NCKAP5L: variants seen among roughly 807,000 people sequenced by gnomAD.
The protein encoded by NCKAP5L is nck-associated protein 5-like.
NCKAP5L carries 54 observed loss-of-function variants against 103.2 expected under a neutral mutation model. The observed-to-expected ratio is 0.52, with a 90% CI of 0.42 to 0.66. NCKAP5L has a LOEUF of 0.66. NCKAP5L is among the 30% of genes least tolerant of loss of function. The pLI, the probability that NCKAP5L is intolerant of heterozygous loss-of-function variation, is 0.00. For synonymous variants in NCKAP5L, 762 were observed against 748.6 expected (o/e 1.02, Z -0.29); for missense variants, 1,733 against 1,750.6 (o/e 0.99, Z 0.18).
In NCKAP5L at chr12:49,796,401, G is replaced by A; in HGVS notation, c.1459C>T (p.Pro487Ser). 6.3e-7 allele frequency: 1 copy of A among 1,577,266 alleles called. No individual in the cohort carries two copies. The highest frequency in any genetic ancestry group is 1.3e-5 in the African/African-American group (1 of 74,196). The change falls in exon 8 of 13, where the codon CCC becomes TCC. Residue 487 changes from proline to serine, a missense_variant. Transcript: ENST00000335999. ...CCGTCTGAGCCACTGTTCCGACAGG[G>A]GATTCGCGAGTTCCGGGGGAGCTGG... The part of the protein sequence containing the change: ...SPQLPRNSRI[P>S]CRNSGSDGSP...
intron 1 of NCKAP5L, among the ~76,000 whole-genome samples, chr12:49,817,168 A>G (rs1358206832): frequency 2.6e-5 from 4 of 152,230 alleles, no homozygotes; most frequent in Non-Finnish European, 5.9e-5. Flanking sequence ...ATAACTGGAA[A>G]GATGTCCCAT....
rs1271093229 is a variant in NCKAP5L at position 49,792,940 on chromosome 12, G to A, written c.3387C>T (p.Phe1129=). Residue 1129 remains phenylalanine (F), a synonymous_variant, in exon 11 of 13, where the codon TTC becomes TTT. Coordinates refer to ENST00000335999, the MANE Select transcript of NCKAP5L (RefSeq NM_001037806.4). The surrounding 1 kb of genome is among the most constrained non-coding windows in gnomAD (Gnocchi z 4.5). ...CACTGCTACCATGGTCTGGGGGTGG[G>A]AAGGTCCCAATGCCACTGTCCAAGG... ...TRTLDSGIGT[F]PPPDHGSSGT... The A allele has an allele frequency of 6.4e-7, 1 of 1,558,954 alleles. No homozygotes were observed. Among genetic ancestry groups the A allele is most frequent in the South Asian group, 1.2e-5 (1 of 83,966 alleles).
chr12:49,796,314 C>T lies in NCKAP5L; in HGVS notation c.1546G>A (p.Ala516Thr), dbSNP rs1200025944. Residue 516 changes from alanine to threonine, a missense_variant, in exon 8 of 13, where the codon GCG becomes ACG. Ala to Thr is a moderately conservative substitution (Grantham distance 58). Transcript: ENST00000335999. The stretch of plus-strand genomic sequence containing the variant: ...GAAGGGCTGGTGGGCAGGCCTTGCG[C>T]CCCCTCTGGGGACAGCTCTCCTCCA... Reference protein sequence around the residue: ...LGGGELSPEGAQGLPTSPSPC... With the variant: ...LGGGELSPEGTQGLPTSPSPC... 3 of 1,543,916 alleles carry T rather than the reference C, an allele frequency of 1.9e-6. No individual in the cohort carries two copies. The highest frequency in any genetic ancestry group is 4.5e-5 in the East Asian group (2 of 44,134).
chr12:49,817,974 C>T (rs1946317236), intron 1 of NCKAP5L, among the ~76,000 whole-genome samples: 2 of 152,062 alleles, frequency 1.3e-5, no homozygotes, highest in Non-Finnish European at 2.9e-5. Flanking sequence ...ACTAAAAATA[C>T]AAAAATTAGC....
intron 1 of NCKAP5L, among the ~76,000 whole-genome samples, chr12:49,807,639 A>G (rs1946195280): frequency 1.3e-5 from 2 of 152,250 alleles, no homozygotes; most frequent in Admixed American, 6.5e-5. Flanking sequence ...GCCTGGAAAA[A>G]AAATGAAAAA....
intron 1 of NCKAP5L, among the ~76,000 whole-genome samples, chr12:49,820,380 G>A (rs112059408): frequency 2.0e-5 from 3 of 148,786 alleles, no homozygotes; most frequent in Non-Finnish European, 4.4e-5. Flanking sequence ...GCAGTGGCGC[G>A]ATCTCGGCTC....
intron 1 of NCKAP5L, among the ~76,000 whole-genome samples, chr12:49,807,542 TTTTTA>T (rs1181284151): frequency 6.6e-6 from 1 of 152,210 alleles, no homozygotes; most frequent in African/African-American, 2.4e-5. Flanking sequence ...AATCTGAAGT[TTTTTA>T]TTTTAACATC....
At chr12:49,816,167 T>C (rs1229116647) in intron 1 of NCKAP5L, among the ~76,000 whole-genome samples, 1 of 152,148 alleles carries the variant, frequency 6.6e-6, no homozygotes, top group Non-Finnish European at 1.5e-5. Context: ...CCTATACTGT[T>C]AGAAGGGGAG....
At chr12:49,810,435 C>T (rs528958348) in intron 1 of NCKAP5L, among the ~76,000 whole-genome samples, 2 of 152,302 alleles carry the variant, frequency 1.3e-5, no homozygotes, top group East Asian at 1.9e-4. Flanking sequence ...TCCGTCTCCC[C>T]GAGATGAGTT....
intron 1 of NCKAP5L, among the ~76,000 whole-genome samples, chr12:49,815,701 G>A (rs977904611): frequency 1.2e-4 from 18 of 152,126 alleles, no homozygotes; most frequent in African/African-American, 4.3e-4. Context: ...CGTTGGCCAG[G>A]CTGGTTTCGA....
At chr12:49,814,241 T>C (rs914292334) in intron 1 of NCKAP5L, among the ~76,000 whole-genome samples, 2 of 149,894 alleles carry the variant, frequency 1.3e-5, no homozygotes, top group African/African-American at 4.9e-5. Flanking sequence ...CCCCAGCGCT[T>C]TGGGAGGCCG....
rs1946351303 is a variant in NCKAP5L at position 49,820,610 on chromosome 12, C to T, written c.-99+7712G>A. Among the ~76,000 whole-genome samples, 3 of 152,214 alleles carry T rather than the reference C, an allele frequency of 2.0e-5. No homozygotes were observed. The South Asian group carries it at 6.2e-4, about 31-fold the overall frequency. On this transcript the variant is annotated intron_variant, in intron 1 of 12. Transcript: ENST00000335999. Reference sequence around the variant, plus strand: ...GATTACAGGCGTGAGCCACTGCACCCAGGCCCCCATCTCCTGGCTTCTTTC... The same window carrying T: ...GATTACAGGCGTGAGCCACTGCACCTAGGCCCCCATCTCCTGGCTTCTTTC...
At chr12:49,827,455 T>C (rs1010608322) in intron 1 of NCKAP5L, among the ~76,000 whole-genome samples, 2 of 152,232 alleles carry the variant, frequency 1.3e-5, no homozygotes, top group African/African-American at 2.4e-5. Context: ...GAGGGCCCTC[T>C]GTGCCCTTGG....
chr12:49,793,461 T>C lies in NCKAP5L; in HGVS notation c.3259-28A>G, dbSNP rs370791664. 8 of 1,602,258 alleles carry C rather than the reference T, an allele frequency of 5.0e-6. No homozygotes were observed. In the African/African-American group the frequency reaches 1.1e-4, roughly 21 times the overall value. ...GTGTGGGATACAGGAGACCTCATAG[T>C]CCACTCCTCCCCCCTCCACACCCCT... On this transcript the variant is annotated intron_variant, in intron 9 of 12. Transcript: ENST00000335999.
rs776256143 is a variant in NCKAP5L at position 49,801,797 on chromosome 12, C to T, written c.351+51G>A. The T allele has an allele frequency of 6.6e-5, 106 of 1,605,708 alleles. 1 individual carries two copies. In the South Asian group the frequency reaches 9.6e-4, roughly 15 times the overall value. On this transcript the variant is annotated intron_variant, in intron 6 of 12. Coordinates refer to ENST00000335999, the MANE Select transcript of NCKAP5L (RefSeq NM_001037806.4). Reference sequence around the variant, plus strand: ...AAGACAGTGATGGGGCCGATGGAGCCGAGGAGGCAGGAGGCAGTGCGATGG... The same window carrying T: ...AAGACAGTGATGGGGCCGATGGAGCTGAGGAGGCAGGAGGCAGTGCGATGG...
chr12:49,827,521 G>A (rs1946431774), intron 1 of NCKAP5L, among the ~76,000 whole-genome samples: 3 of 152,240 alleles, frequency 2.0e-5, no homozygotes, highest in Non-Finnish European at 4.4e-5. Flanking sequence ...AGGGAGAGGG[G>A]AGCTAGGATC....
In NCKAP5L at chr12:49,792,220, A is replaced by AAGGTT. The variant is rs1364677014; in HGVS notation, c.3793-170_3793-169insAACCT. ...ACAGGCTGGAGGTACAACTGAGAAC[A>AAGGTT]GTCCTACAAGGTTCTGGGGAGGGAC... On this transcript the variant is annotated intron_variant, in intron 12 of 12. Transcript: ENST00000335999. This position sits in a 1 kb window ranked among gnomAD's most constrained non-coding sequence, Gnocchi z 4.5. 1 of 1,076,340 alleles carries AAGGTT rather than the reference A, an allele frequency of 9.3e-7. No individual in the cohort carries two copies. The highest frequency in any genetic ancestry group is 1.4e-6 in the Non-Finnish European group (1 of 732,194). 66.7% of individuals were successfully genotyped at this position (1,076,340 alleles called of 1,614,324 possible). A position where few individuals can be genotyped will look rare whatever the true frequency, so the allele number is the denominator to read the frequency against.
chr12:49,796,181 A>C lies in NCKAP5L; in HGVS notation c.1679T>G (p.Leu560Arg), dbSNP rs774758261. 6.2e-7 allele frequency: 1 copy of C among 1,607,740 alleles called. No homozygotes were observed. The highest frequency in any genetic ancestry group is 8.5e-7 in the Non-Finnish European group (1 of 1,177,344). ...CCTAAAGGTGCTCCGAGAAAGGTCC[A>C]GAATGTTCTCATAGCAGGGAGACAC... is the stretch of plus-strand genomic sequence containing the variant. The part of the protein sequence containing the change: ...PVVSPCYENI[L>R]DLSRSTFRGP... The change falls in exon 8 of 13, where the codon CTG (leucine) becomes CGG (arginine). Residue 560 changes from leucine (L) to arginine (R), a missense_variant. Transcript: ENST00000335999.
At chr12:49,818,954 T>G (rs1592761689) in intron 1 of NCKAP5L, among the ~76,000 whole-genome samples, 1 of 150,264 alleles carries the variant, frequency 6.7e-6, no homozygotes, top group African/African-American at 2.5e-5. Flanking sequence ...CTTAACACTT[T>G]GGGAGGCCAA....
Sources: allele counts gnomAD v4.1 joint callset (sites outside exome capture counted in the v4.1 genomes callset), GRCh38; gene constraint gnomAD v4.1.1; non-coding constraint Gnocchi (gnomAD v3.1); transcripts MANE v1.5; gene names NCBI Gene and HGNC (gene_info 2026-07-23, HGNC 2026-07-21).